The following RABGAP1L variants were observed in gnomAD, a reference collection of about 807,000 sequenced individuals.
The protein encoded by RABGAP1L is rab GTPase-activating protein 1-like.
A neutral mutation model predicts 137.7 loss-of-function variants in RABGAP1L; 63 were observed. The ratio of observed to expected loss-of-function variants is 0.46; its 90% CI spans 0.37 to 0.56. RABGAP1L has a LOEUF of 0.56. Among genes scored for constraint, RABGAP1L ranks in the 20% least tolerant of loss-of-function variants. The pLI, the probability that RABGAP1L is intolerant of heterozygous loss-of-function variation, is 0.00. For missense variants in RABGAP1L, 1,095 were observed against 1,244.0 expected (o/e 0.88, Z 1.80); for synonymous variants, 431 against 433.7 (o/e 0.99, Z 0.08).
intron 13 of RABGAP1L, among the ~76,000 whole-genome samples, chr1:174,485,269 A>G (rs1482282449): frequency 6.6e-6 from 1 of 152,158 alleles, no homozygotes; most frequent in East Asian, 1.9e-4. Flanking sequence ...CAAATGTAAG[A>G]TTATATCATT....
intron 12 of RABGAP1L, 78 bp from the exon 13 acceptor site, chr1:174,393,917 A>AC: frequency 6.7e-7 from 1 of 1,483,812 alleles, no homozygotes; most frequent in South Asian, 1.3e-5. Context: ...TTTTATATAA[A>AC]CTAGTATACT....
At chr1:174,468,143 CTTAT>C (rs1025000422) in intron 13 of RABGAP1L, among the ~76,000 whole-genome samples, 14 of 152,080 alleles carry the variant, frequency 9.2e-5, no homozygotes, top group East Asian at 1.9e-4. Context: ...CTTTTGTTTA[CTTAT>C]TTATTTACCT....
intron 19 of RABGAP1L, among the ~76,000 whole-genome samples, chr1:174,876,405 A>T (rs1653118206): frequency 6.6e-6 from 1 of 152,192 alleles, no homozygotes; most frequent in Admixed American, 6.5e-5. Context: ...AGGAATATTG[A>T]AAAACAACTT....
chr1:174,963,552 C>A (rs1295170751), intron 20 of RABGAP1L, among the ~76,000 whole-genome samples: 1 of 151,446 alleles, frequency 6.6e-6, no homozygotes, highest in Non-Finnish European at 1.5e-5. Context: ...GTTTTCTTTT[C>A]TGTTTAAGTA....
chr1:174,541,994 C>G (rs1665499844), intron 13 of RABGAP1L, among the ~76,000 whole-genome samples: 1 of 152,148 alleles, frequency 6.6e-6, no homozygotes, highest in Non-Finnish European at 1.5e-5. Flanking sequence ...ATTTGGTTTG[C>G]CAGTATTTTA....
rs1175053152 is a variant in RABGAP1L, at chr1:174,394,109, G to A, written c.1674G>A (p.Gln558=). 1.2e-6 allele frequency: 2 copies of A among 1,613,804 alleles called. No homozygotes were observed. The highest frequency in any genetic ancestry group is 2.2e-5 in the South Asian group (2 of 91,070). ...TATTGGCAGGCTGCCATGACAACCA[G>A]GCAATGCTGGATAGATACCGAATTC... is the stretch of plus-strand genomic sequence containing the variant. ...WQLLAGCHDN[Q]AMLDRYRILI... Residue 558 remains glutamine, a synonymous_variant, in exon 13 of 26, where the codon CAG becomes CAA. Transcript: ENST00000681986.
intron 13 of RABGAP1L, among the ~76,000 whole-genome samples, chr1:174,634,717 G>C (rs897701797): frequency 7.3e-6 from 1 of 136,644 alleles, no homozygotes; most frequent in African/African-American, 3.1e-5. Context: ...AAAATGATGA[G>C]TTCATGTCCT....
intron 1 of RABGAP1L, among the ~76,000 whole-genome samples, chr1:174,199,206 T>A (rs1667926593): frequency 6.6e-6 from 1 of 152,184 alleles, no homozygotes; most frequent in Non-Finnish European, 1.5e-5. Context: ...TATGGACATA[T>A]CAGACCTGAA....
chr1:174,455,225 C>T (rs1655913940), intron 13 of RABGAP1L, among the ~76,000 whole-genome samples: 1 of 152,040 alleles, frequency 6.6e-6, no homozygotes, highest in Admixed American at 6.6e-5. Flanking sequence ...AAACGTAGTA[C>T]ATAATAGTAG....
chr1:174,875,215 G>T (rs559305045), intron 19 of RABGAP1L, among the ~76,000 whole-genome samples: 61 of 152,270 alleles, frequency 4.0e-4, no homozygotes, highest in Admixed American at 8.5e-4. Flanking sequence ...TAAAGCCTTT[G>T]ATTATTTTTC....
chr1:174,247,154 T>C (rs1260413440), intron 5 of RABGAP1L, among the ~76,000 whole-genome samples: 2 of 152,176 alleles, frequency 1.3e-5, no homozygotes, highest in Non-Finnish European at 1.5e-5. Flanking sequence ...TTTTTTGATA[T>C]GGCCTTCTGA....
rs531446471 is a variant in RABGAP1L, at chr1:174,957,729, T to C, written c.2433+180T>C. On this transcript the variant is annotated intron_variant, in intron 20 of 25. Coordinates refer to ENST00000681986, the MANE Select transcript of RABGAP1L (RefSeq NM_001366446.1). ...ACCATTCCCAGCAAAGTACCTTTTT[T>C]TTTTTTTTTTTTTTTTTCTTAAAGC... The C allele has an allele frequency of 7.3e-5, 61 of 841,242 alleles. No individual in the cohort carries two copies. In the East Asian group the frequency reaches 1.6e-3, roughly 22 times the overall value. The allele number at this position is 841,242 out of a possible 1,614,324, so 52.1% of individuals were successfully genotyped here. A position where few individuals can be genotyped will look rare whatever the true frequency, so the allele number is the denominator to read the frequency against.
chr1:174,863,988 A>T (rs1220671463), intron 19 of RABGAP1L, among the ~76,000 whole-genome samples: 1 of 152,248 alleles, frequency 6.6e-6, no homozygotes, highest in Non-Finnish European at 1.5e-5. Context: ...ACAGAAAAAA[A>T]AAGTTTTCTA....
intron 13 of RABGAP1L, among the ~76,000 whole-genome samples, chr1:174,493,507 A>G (rs762769625): frequency 3.3e-5 from 5 of 151,942 alleles, no homozygotes; most frequent in Admixed American, 6.6e-5. Flanking sequence ...GCCCTACCCA[A>G]TATTAAAGTT....
chr1:174,743,525 T>C (rs1683619668), intron 17 of RABGAP1L, among the ~76,000 whole-genome samples: 1 of 152,216 alleles, frequency 6.6e-6, no homozygotes, highest in South Asian at 2.1e-4. Context: ...GAAAGTTTTA[T>C]CTAATTCAGA....
chr1:174,531,584 C>T (rs569994204), intron 13 of RABGAP1L, among the ~76,000 whole-genome samples: 2 of 152,234 alleles, frequency 1.3e-5, no homozygotes, highest in East Asian at 1.9e-4. Flanking sequence ...GGCTTAGACA[C>T]CAGCCAGGGG....
chr1:174,987,902 C>T (rs1671738747), intron 24 of RABGAP1L, among the ~76,000 whole-genome samples: 2 of 152,110 alleles, frequency 1.3e-5, no homozygotes, highest in Admixed American at 1.3e-4. Flanking sequence ...CTCCGCCTCC[C>T]GGGTTCAAGC....
chr1:174,598,821 A>G (rs1020450818), intron 13 of RABGAP1L, among the ~76,000 whole-genome samples: 4 of 152,004 alleles, frequency 2.6e-5, no homozygotes, highest in Admixed American at 2.0e-4. Context: ...TGTAGCCAAA[A>G]GATCATTGGG....
chr1:174,521,949 C>T (rs756092384), intron 13 of RABGAP1L, among the ~76,000 whole-genome samples: 13 of 151,950 alleles, frequency 8.6e-5, no homozygotes, highest in African/African-American at 1.9e-4. Flanking sequence ...TGTGGTGGTG[C>T]GCACCTGTAA....
Sources: gnomAD v4.1 joint callset for allele counts (sites outside exome capture counted in the v4.1 genomes callset) on GRCh38, gnomAD v4.1.1 for gene constraint, MANE v1.5 for transcripts, NCBI Gene and HGNC (gene_info 2026-07-23, HGNC 2026-07-21) for gene names.